CYFIP2: variants seen among roughly 807,000 people sequenced by gnomAD.
CYFIP2 encodes the protein cytoplasmic FMR1 interacting protein 2, also known as cytoplasmic FMR1-interacting protein 2.
CYFIP2 carries 29 observed loss-of-function variants against 158.7 expected under a neutral mutation model. That is an observed-to-expected ratio of 0.18 (90% CI 0.14 to 0.25). The LOEUF is 0.25. CYFIP2 is among the 10% of genes least tolerant of loss of function. CYFIP2 has a pLI of 1.00. For synonymous variants in CYFIP2, 585 were observed against 617.6 expected (o/e 0.95, Z 0.78); for missense variants, 852 against 1,639.5 (o/e 0.52, Z 8.29).
rs548835904 is a variant in CYFIP2, at chr5:157,389,809, A to C, written c.3446+382A>C. On this transcript the variant is annotated intron_variant, in intron 29 of 30. Coordinates refer to ENST00000620254, the MANE Select transcript of CYFIP2 (RefSeq NM_001037333.3). ...AGGAAAAAGGCGTGGTGGGGAGAGG[A>C]GGCTTCCTGGAGAAAGTGGTGTTGA... is the stretch of plus-strand genomic sequence containing the variant. 2.6e-5 allele frequency among the ~76,000 whole-genome samples: 4 copies of C among 152,250 alleles called. No homozygotes were observed. In the South Asian group the frequency reaches 8.3e-4, roughly 32 times the overall value.
At chr5:157,278,375 G>T (rs1464354281) in intron 1 of CYFIP2, among the ~76,000 whole-genome samples, 4 of 152,070 alleles carry the variant, frequency 2.6e-5, no homozygotes, top group Admixed American at 6.5e-5. Flanking sequence ...TGTTCTTCTT[G>T]AGGAAGGAAA....
intron 23 of CYFIP2, among the ~76,000 whole-genome samples, chr5:157,357,262 G>T (rs1763474398): frequency 6.6e-6 from 1 of 152,168 alleles, no homozygotes; most frequent in South Asian, 2.1e-4. Flanking sequence ...TGTGATGCTT[G>T]TTTTGTAAAG....
At chr5:157,347,215 C>T (rs528325611) in intron 23 of CYFIP2, among the ~76,000 whole-genome samples, 71 of 152,042 alleles carry the variant, frequency 4.7e-4, no homozygotes, top group African/African-American at 1.6e-3. Flanking sequence ...CACCTGTAGT[C>T]CCAGCCACTT....
intron 6 of CYFIP2, among the ~76,000 whole-genome samples, chr5:157,301,957 C>G (rs1213037784): frequency 6.6e-6 from 1 of 152,186 alleles, no homozygotes; most frequent in African/African-American, 2.4e-5. Context: ...GTTTACCCTC[C>G]TAAGTCAACT....
At chr5:157,388,731 G>A (rs1232907266) in intron 28 of CYFIP2, among the ~76,000 whole-genome samples, 1 of 152,188 alleles carries the variant, frequency 6.6e-6, no homozygotes, top group East Asian at 1.9e-4. Flanking sequence ...CTGAACCTTA[G>A]TTTCTTCGTC....
In CYFIP2 at chr5:157,307,882, G is replaced by A; in HGVS notation, c.900+17G>A. ...TTCTTTAAGGTCAGCAACTGGGGCT[G>A]GGGCTGGGCAGAGGGCTGAGGTTAC... On this transcript the variant is annotated intron_variant, in intron 9 of 30. Transcript: ENST00000620254. 6.8e-7 allele frequency: 1 copy of A among 1,478,706 alleles called. No individual in the cohort carries two copies. The allele number at this position is 1,478,706 out of a possible 1,614,324, so 91.6% of individuals were successfully genotyped here.
chr5:157,329,657 A>G (rs1180880760), intron 19 of CYFIP2, among the ~76,000 whole-genome samples: 1 of 152,214 alleles, frequency 6.6e-6, no homozygotes, highest in East Asian at 1.9e-4. Context: ...CATATCCAAA[A>G]CATTATAATT....
At chr5:157,275,301 T>C (rs1756457839) in intron 1 of CYFIP2, among the ~76,000 whole-genome samples, 2 of 152,240 alleles carry the variant, frequency 1.3e-5, no homozygotes, top group Admixed American at 6.5e-5. Context: ...TACATAGATC[T>C]TTGATCCATT....
intron 3 of CYFIP2, among the ~76,000 whole-genome samples, chr5:157,292,647 G>A (rs763905059): frequency 7.9e-5 from 12 of 152,144 alleles, no homozygotes; most frequent in Non-Finnish European, 1.5e-4. Context: ...ATGGACATTC[G>A]AGTTATTGGG....
intron 3 of CYFIP2, among the ~76,000 whole-genome samples, chr5:157,292,587 ATAAT>A (rs1350162030): frequency 3.9e-5 from 6 of 152,350 alleles, no homozygotes; most frequent in East Asian, 1.9e-4. Flanking sequence ...GTATTGCCAA[ATAAT>A]TAATTGTATG....
chr5:157,333,181 C>A, intron 20 of CYFIP2, 146 bp from the exon 21 acceptor site: 1 of 951,450 alleles, frequency 1.1e-6, no homozygotes, highest in Non-Finnish European at 1.6e-6. Flanking sequence ...AATGGACAGG[C>A]TGGTTGGAGT....
chr5:157,354,314 C>T (rs560597658), intron 23 of CYFIP2, among the ~76,000 whole-genome samples: 1 of 152,234 alleles, frequency 6.6e-6, no homozygotes, highest in East Asian at 1.9e-4. Flanking sequence ...TCCTATGAGG[C>T]CCATTGATTG....
At chr5:157,303,169 C>T in intron 7 of CYFIP2, 1 of 339,620 alleles carries the variant, frequency 2.9e-6, no homozygotes, top group East Asian at 5.6e-5. Flanking sequence ...AGTTAGGCAG[C>T]CTTGTTTTGT....
chr5:157,318,837 G>A (rs780913298), intron 13 of CYFIP2, among the ~76,000 whole-genome samples: 1 of 152,154 alleles, frequency 6.6e-6, no homozygotes, highest in African/African-American at 2.4e-5. Flanking sequence ...CTTTCCCTCT[G>A]AATTCTGAAT....
intron 1 of CYFIP2, among the ~76,000 whole-genome samples, chr5:157,281,855 G>T (rs1469943652): frequency 1.3e-5 from 2 of 152,042 alleles, no homozygotes; most frequent in Non-Finnish European, 2.9e-5. Context: ...ATTTTTAAAA[G>T]CATATGGCTT....
intron 1 of CYFIP2, among the ~76,000 whole-genome samples, chr5:157,283,939 A>G (rs1323675296): frequency 1.3e-5 from 2 of 152,156 alleles, no homozygotes; most frequent in African/African-American, 4.8e-5. Context: ...TCCCAGCCCC[A>G]GGATCTCACA....
At chr5:157,274,809 G>T (rs1338400596) in intron 1 of CYFIP2, among the ~76,000 whole-genome samples, 1 of 152,090 alleles carries the variant, frequency 6.6e-6, no homozygotes, top group East Asian at 1.9e-4. Context: ...AATAACTAAG[G>T]TTATTAATCT....
At chr5:157,276,618 AAC>A (rs1480390358) in intron 1 of CYFIP2, among the ~76,000 whole-genome samples, 21 of 152,322 alleles carry the variant, frequency 1.4e-4, no homozygotes, top group African/African-American at 5.1e-4. Context: ...AAGAGATAGG[AAC>A]TATCATTATC....
At chr5:157,386,266 G>A (rs1339814643) in intron 28 of CYFIP2, among the ~76,000 whole-genome samples, 1 of 152,098 alleles carries the variant, frequency 6.6e-6, no homozygotes, top group Non-Finnish European at 1.5e-5. Context: ...CACCCAAGCT[G>A]GAGTGCAGTG....
Sources: gnomAD v4.1 joint callset for allele counts (sites outside exome capture counted in the v4.1 genomes callset) on GRCh38, gnomAD v4.1.1 for gene constraint, MANE v1.5 for transcripts, NCBI Gene and HGNC (gene_info 2026-07-23, HGNC 2026-07-21) for gene names.